The following DRC8 variants were observed in gnomAD, a reference collection of about 807,000 sequenced individuals.
DRC8 encodes the protein dynein regulatory complex subunit 8.
At chr1:245,047,408 G>T in the DRC8 span, among the ~76,000 whole-genome samples, 838 of 152,264 alleles carry the variant, frequency 5.5e-3, 12 homozygotes, top group African/African-American at 0.018. Context: ...GCTAAGGCAG[G>T]TGGATCACTT....
At chr1:245,024,238 TA>T in the DRC8 span, among the ~76,000 whole-genome samples, 1 of 152,322 alleles carries the variant, frequency 6.6e-6, no homozygotes, top group East Asian at 1.9e-4. Flanking sequence ...ATCTCCTTAC[TA>T]ATGGACGTTT....
chr1:245,000,848 A>C, the DRC8 span, among the ~76,000 whole-genome samples: 1 of 151,942 alleles, frequency 6.6e-6, no homozygotes, highest in African/African-American at 2.4e-5. Flanking sequence ...TTATTGAATG[A>C]ATGAAGAGGG....
At chr1:245,004,695 T>C in the DRC8 span, among the ~76,000 whole-genome samples, 3 of 152,216 alleles carry the variant, frequency 2.0e-5, no homozygotes, top group African/African-American at 7.2e-5. Context: ...CAGATTAACA[T>C]AAAACAGACA....
chr1:245,081,310 C>T, the DRC8 span, among the ~76,000 whole-genome samples: 2 of 151,552 alleles, frequency 1.3e-5, no homozygotes, highest in South Asian at 4.2e-4. Flanking sequence ...TACAGGCGCC[C>T]ACCACCATGC....
At chr1:245,083,131 G>A in the DRC8 span, among the ~76,000 whole-genome samples, 4 of 152,206 alleles carry the variant, frequency 2.6e-5, no homozygotes, top group Non-Finnish European at 5.9e-5. Flanking sequence ...GCAAGAGAGT[G>A]AGCATTACTG....
chr1:245,120,291 A>G, the DRC8 span, among the ~76,000 whole-genome samples: 2 of 152,204 alleles, frequency 1.3e-5, no homozygotes, highest in Non-Finnish European at 2.9e-5. Flanking sequence ...ATCTCTACAC[A>G]TCACACTTTT....
chr1:244,996,256 G>T, the DRC8 span, among the ~76,000 whole-genome samples: 3 of 151,956 alleles, frequency 2.0e-5, no homozygotes, highest in Non-Finnish European at 2.9e-5. Context: ...ATAGGCAGCT[G>T]GTTTCCCGCA....
chr1:245,111,908 C>T, the DRC8 span, among the ~76,000 whole-genome samples: 3 of 152,124 alleles, frequency 2.0e-5, no homozygotes, highest in African/African-American at 7.2e-5. Context: ...GTGGCACGCA[C>T]CTGTAGTACC....
At chr1:245,060,012 A>G in the DRC8 span, among the ~76,000 whole-genome samples, 1 of 152,156 alleles carries the variant, frequency 6.6e-6, no homozygotes, top group Non-Finnish European at 1.5e-5. Flanking sequence ...CTCTGATCTC[A>G]TTTCAAATGC....
At chr1:245,072,097 T>G in the DRC8 span, among the ~76,000 whole-genome samples, 132 of 152,252 alleles carry the variant, frequency 8.7e-4, 1 homozygote, top group African/African-American at 3.0e-3. Flanking sequence ...AATTGAAAAT[T>G]TATGGCCACA....
the DRC8 span, among the ~76,000 whole-genome samples, chr1:245,033,271 C>T: frequency 6.6e-6 from 1 of 152,214 alleles, no homozygotes; most frequent in Non-Finnish European, 1.5e-5. Context: ...GGGCCTTAGC[C>T]ACACCCTGGC....
chr1:245,076,261 A>C, the DRC8 span, among the ~76,000 whole-genome samples: 1 of 152,234 alleles, frequency 6.6e-6, no homozygotes, highest in Non-Finnish European at 1.5e-5. Context: ...CATCATCGTC[A>C]TGATTGACTC....
the DRC8 span, among the ~76,000 whole-genome samples, chr1:245,080,617 T>G: frequency 1.3e-5 from 2 of 152,160 alleles, no homozygotes; most frequent in African/African-American, 4.8e-5. Context: ...CCATCCTTAC[T>G]CATAATGAAT....
the DRC8 span, among the ~76,000 whole-genome samples, chr1:245,120,341 G>T: frequency 9.2e-5 from 14 of 152,036 alleles, no homozygotes; most frequent in Non-Finnish European, 1.6e-4. Flanking sequence ...GTTCCTAATT[G>T]TATAAATACC....
chr1:245,063,024 G>A, the DRC8 span, among the ~76,000 whole-genome samples: 3 of 152,156 alleles, frequency 2.0e-5, no homozygotes, highest in African/African-American at 7.2e-5. Context: ...ACAGAACTTA[G>A]TGACACCAGT....
chr1:245,065,503 C>G, the DRC8 span, among the ~76,000 whole-genome samples: 1 of 151,856 alleles, frequency 6.6e-6, no homozygotes, highest in African/African-American at 2.4e-5. Flanking sequence ...TTTGAATGTT[C>G]TTTTTTAAAT....
the DRC8 span, among the ~76,000 whole-genome samples, chr1:245,048,191 C>G: frequency 0.6 from 90,505 of 151,836 alleles, 28,305 homozygotes; most frequent in East Asian, 0.73. Context: ...GAAGGGTCCA[C>G]TGTGCCTTTC....
At chr1:244,986,368 A>G in the DRC8 span, among the ~76,000 whole-genome samples, 2 of 152,208 alleles carry the variant, frequency 1.3e-5, no homozygotes, top group Admixed American at 1.3e-4. Flanking sequence ...AGAAAGGAGC[A>G]TAGCTTATTA....
At chr1:245,081,257 G>A in the DRC8 span, among the ~76,000 whole-genome samples, 1 of 151,842 alleles carries the variant, frequency 6.6e-6, no homozygotes, top group South Asian at 2.1e-4. Context: ...TGCCTCCTGG[G>A]TTCACGTGAT....
Sources: gnomAD v4.1 joint callset for allele counts (sites outside exome capture counted in the v4.1 genomes callset) on GRCh38, gnomAD v4.1.1 for gene constraint, MANE v1.5 for transcripts, NCBI Gene and HGNC (gene_info 2026-07-23, HGNC 2026-07-21) for gene names.